The following COL27A1 variants were observed in gnomAD, a reference collection of about 807,000 sequenced individuals.
COL27A1 encodes the protein collagen alpha-1(XXVII) chain.
In COL27A1, 106 loss-of-function variants were observed where a neutral mutation model predicts 251.3. The observed-to-expected ratio is 0.42, with a 90% CI of 0.36 to 0.50. The LOEUF (loss-of-function observed/expected upper bound fraction) is 0.50. Among genes scored for constraint, COL27A1 ranks in the 20% least tolerant of loss-of-function variants. The pLI is 0.00. For missense variants in COL27A1, 2,325 were observed against 2,522.8 expected (o/e 0.92, Z 1.68); for synonymous variants, 1,000 against 986.3 (o/e 1.01, Z -0.26).
intron 5 of COL27A1, among the ~76,000 whole-genome samples, chr9:114,191,673 G>A (rs145176069): frequency 1.6e-3 from 245 of 152,236 alleles, no homozygotes; most frequent in African/African-American, 5.4e-3. Context: ...TCACTGATGC[G>A]CATTTAGGTT....
chr9:114,256,343 A>T (rs1354653343), intron 27 of COL27A1, among the ~76,000 whole-genome samples: 4 of 152,174 alleles, frequency 2.6e-5, no homozygotes, highest in African/African-American at 9.7e-5. Flanking sequence ...ACAGAAAAAA[A>T]TTAGCCGGGC....
At chr9:114,241,313 G>A (rs1010779038) in intron 21 of COL27A1, among the ~76,000 whole-genome samples, 4 of 152,250 alleles carry the variant, frequency 2.6e-5, no homozygotes, top group African/African-American at 9.6e-5. Context: ...GACCGCAGGC[G>A]GGCATCCAGC....
intron 58 of COL27A1, 46 bp downstream of exon 58, chr9:114,306,734 G>C: frequency 6.3e-7 from 1 of 1,596,518 alleles, no homozygotes; most frequent in African/African-American, 1.3e-5. Context: ...GCGGTGGGGA[G>C]CTGGGGCAGG....
chr9:114,221,400 A>G (rs370757268), intron 13 of COL27A1, among the ~76,000 whole-genome samples: 1 of 152,206 alleles, frequency 6.6e-6, no homozygotes. Context: ...GGCGAGCGGC[A>G]GGGATGTCTT....
At chr9:114,253,366 GAAAGACGA>G (rs1775541922) in intron 27 of COL27A1, among the ~76,000 whole-genome samples, 1 of 110,604 alleles carries the variant, frequency 9.0e-6, no homozygotes, top group African/African-American at 3.9e-5. Flanking sequence ...GAGGAAGAAA[GAAAGACGA>G]AAGAAAGAAA....
At position 114,205,790 on chromosome 9, in the gene COL27A1, C is replaced by T. The variant is rs755906206; in HGVS notation, c.2201C>T (p.Ala734Val). 1.2e-6 allele frequency: 2 copies of T among 1,613,582 alleles called. No homozygotes were observed. The highest frequency in any genetic ancestry group is 1.3e-5 in the African/African-American group (1 of 74,898). The part of the protein sequence containing the change: ...GQPGPEGSPG[A>V]KGYPGRQGLP... ...CCAGGACCTGAGGGCAGCCCAGGGG[C>T]CAAAGGTTACCCTGGCAGGCAGGTG... is the stretch of plus-strand genomic sequence containing the variant. Residue 734 changes from alanine to valine, a missense_variant, in exon 9 of 61, where the codon GCC becomes GTC. This residue lies in a region of COL27A1 where 1,183 missense variants were observed against 1,144.1 expected (regional missense o/e 1.03). Coordinates refer to ENST00000356083, the MANE Select transcript of COL27A1 (RefSeq NM_032888.4).
chr9:114,187,546 G>C (rs762272717), intron 5 of COL27A1, among the ~76,000 whole-genome samples: 2 of 152,226 alleles, frequency 1.3e-5, no homozygotes, highest in Non-Finnish European at 2.9e-5. Flanking sequence ...GGCAGAGCAC[G>C]CATTCAAACC....
chr9:114,156,019 A>G lies in COL27A1; in HGVS notation c.62+7A>G, dbSNP rs755190082. ...CGGCGGCGGCGCGCGGGGGGTGAGT[A>G]CGAACTCGGGGACGCCCCCTCCCTA... is the stretch of plus-strand genomic sequence containing the variant. On this transcript the variant is annotated splice_region_variant and intron_variant, in intron 1 of 60. Transcript: ENST00000356083. 4.6e-6 allele frequency: 6 copies of G among 1,296,906 alleles called. No homozygotes were observed. The highest frequency in any genetic ancestry group is 5.9e-6 in the Non-Finnish European group (6 of 1,018,920). The allele number at this position is 1,296,906 out of a possible 1,614,324, so 80.3% of individuals were successfully genotyped here.
intron 52 of COL27A1, 23 bp downstream of exon 52, chr9:114,301,148 A>C (rs757280787): frequency 6.2e-7 from 1 of 1,613,722 alleles, no homozygotes; most frequent in Non-Finnish European, 8.5e-7. Context: ...ATTGGACAGG[A>C]AGACTCCGGG....
intron 1 of COL27A1, among the ~76,000 whole-genome samples, chr9:114,158,212 A>AG (rs1192268899): frequency 6.6e-6 from 1 of 152,150 alleles, no homozygotes; most frequent in Non-Finnish European, 1.5e-5. Flanking sequence ...AGCCAAGCCT[A>AG]GTGTCCACAG....
chr9:114,292,842 C>T (rs1828016095), intron 49 of COL27A1, among the ~76,000 whole-genome samples: 1 of 152,200 alleles, frequency 6.6e-6, no homozygotes, highest in Non-Finnish European at 1.5e-5. Flanking sequence ...AGACTACTAA[C>T]AGTCATAAAG....
At chr9:114,210,723 C>T (rs1370554220) in intron 11 of COL27A1, among the ~76,000 whole-genome samples, 1 of 152,094 alleles carries the variant, frequency 6.6e-6, no homozygotes, top group Non-Finnish European at 1.5e-5. Flanking sequence ...GTATAGAGAA[C>T]CTTAGGACAG....
At chr9:114,161,418 G>A (rs1454622599) in intron 1 of COL27A1, among the ~76,000 whole-genome samples, 1 of 152,114 alleles carries the variant, frequency 6.6e-6, no homozygotes, top group Non-Finnish European at 1.5e-5. Context: ...ATGCCTACGT[G>A]AGCAAGCAGG....
intron 7 of COL27A1, among the ~76,000 whole-genome samples, chr9:114,204,218 A>T (rs1202499094): frequency 6.6e-6 from 1 of 152,224 alleles, no homozygotes; most frequent in Admixed American, 6.5e-5. Flanking sequence ...CCAAAGTTGC[A>T]TAATAAGTTA....
chr9:114,182,409 C>T (rs1032536213), intron 4 of COL27A1, among the ~76,000 whole-genome samples: 4 of 151,114 alleles, frequency 2.6e-5, no homozygotes, highest in African/African-American at 7.3e-5. Context: ...CTGGAGGAGC[C>T]CTAGAGGGTT....
intron 12 of COL27A1, among the ~76,000 whole-genome samples, chr9:114,211,960 A>G (rs1187236897): frequency 6.6e-6 from 1 of 152,178 alleles, no homozygotes; most frequent in Non-Finnish European, 1.5e-5. Flanking sequence ...TTGGTGAGGA[A>G]GGGAGTATGA....
At chr9:114,281,454 C>A (rs2135698159) in intron 37 of COL27A1, among the ~76,000 whole-genome samples, 1 of 152,362 alleles carries the variant, frequency 6.6e-6, no homozygotes, top group East Asian at 1.9e-4. Context: ...CTTTGGGAAG[C>A]CCTGTGGGGC....
intron 3 of COL27A1, among the ~76,000 whole-genome samples, chr9:114,176,138 C>T (rs1433944070): frequency 6.6e-6 from 1 of 152,172 alleles, no homozygotes; most frequent in African/African-American, 2.4e-5. Context: ...AGTCACTTTT[C>T]CTCTCTGAAC....
At chr9:114,273,890 G>C (rs928286879) in intron 36 of COL27A1, 2 of 152,170 alleles carry the variant, frequency 1.3e-5, no homozygotes, top group Non-Finnish European at 2.9e-5. Flanking sequence ...AGTACGCAAA[G>C]ATTACCGTGA....
Sources: gnomAD v4.1 joint callset for allele counts (sites outside exome capture counted in the v4.1 genomes callset) on GRCh38, gnomAD v4.1.1 for gene constraint, gnomAD v4.1.1 regional missense constraint, MANE v1.5 for transcripts, NCBI Gene and HGNC (gene_info 2026-07-23, HGNC 2026-07-21) for gene names.